The following MMAB variants were observed in gnomAD, a reference collection of about 807,000 sequenced individuals.
MMAB encodes corrinoid adenosyltransferase MMAB.
A neutral mutation model predicts 30.6 loss-of-function variants in MMAB; 17 were observed. The observed-to-expected ratio is 0.56, with a 90% CI of 0.38 to 0.83. The LOEUF (loss-of-function observed/expected upper bound fraction) is 0.83, where lower values mean the gene tolerates loss of function less well. Ranked by LOEUF, MMAB falls within the 40% of genes least tolerant of loss-of-function variation. The pLI is 0.00. For synonymous variants in MMAB, 134 were observed against 138.6 expected, an observed-to-expected ratio of 0.97 and a Z score of 0.23; for missense variants, 311 against 331.6, an observed-to-expected ratio of 0.94 and a Z score of 0.48.
chr12:109,566,731 G>A (rs1305200518), intron 3 of MMAB, among the ~76,000 whole-genome samples: 5 of 152,208 alleles, frequency 3.3e-5, no homozygotes, highest in African/African-American at 7.2e-5. Context: ...GTTGAGCAGC[G>A]CCTCGCACTG....
intron 4 of MMAB, among the ~76,000 whole-genome samples, chr12:109,562,891 T>G (rs1747453379): frequency 6.6e-6 from 1 of 152,134 alleles, no homozygotes; most frequent in South Asian, 2.1e-4. Context: ...GTCCAACAGC[T>G]CTCATGCATG....
In MMAB at chr12:109,557,001, T is replaced by A. The variant is rs1477808676; in HGVS notation, c.*27A>T. On this transcript the variant is annotated 3_prime_UTR_variant, in exon 9 of 9. Coordinates refer to ENST00000545712, the MANE Select transcript of MMAB (RefSeq NM_052845.4). ...CTCCACGGCCATCGCCATGGAGGGA[T>A]CCTCCAAGCTCCCACTTTCTGTGAT... 1 of 1,455,230 alleles carries A rather than the reference T, an allele frequency of 6.9e-7. No homozygotes were observed. The highest frequency in any genetic ancestry group is 9.7e-7 in the Non-Finnish European group (1 of 1,036,120). The allele number at this position is 1,455,230 out of a possible 1,614,324, so 90.1% of individuals were successfully genotyped here.
rs1216114720 is a variant in MMAB at position 109,555,894 on chromosome 12, C to A, written c.*1134G>T. 1.1e-5 allele frequency: 5 copies of A among 453,960 alleles called. No individual in the cohort carries two copies. Among genetic ancestry groups the A allele is most frequent in the Non-Finnish European group, 2.2e-5 (5 of 226,788 alleles). 28.1% of individuals were successfully genotyped at this position (453,960 alleles called of 1,614,324 possible). On this transcript the variant is annotated 3_prime_UTR_variant, in exon 9 of 9. Coordinates refer to ENST00000545712, the MANE Select transcript of MMAB (RefSeq NM_052845.4). Reference sequence around the variant, plus strand: ...AAGATGGCCGGAAAGACCAGCTGTCCCGAGCCTAGCGCGGTGGCCCATGCT... The same window carrying A: ...AAGATGGCCGGAAAGACCAGCTGTCACGAGCCTAGCGCGGTGGCCCATGCT...
rs879060655 is a variant in MMAB, at chr12:109,571,505, G to C, written c.196+144C>G. ...GGCCTCAGATGATTAGCCCAACAGG[G>C]CCTCCCAAAGTGCCGGGATTACAGG... On this transcript the variant is annotated intron_variant, in intron 2 of 8. Coordinates refer to ENST00000545712, the MANE Select transcript of MMAB (RefSeq NM_052845.4). 1.2e-5 allele frequency: 9 copies of C among 734,744 alleles called. No homozygotes were observed. In the South Asian group the frequency reaches 1.3e-4, roughly 11 times the overall value. 45.5% of individuals were successfully genotyped at this position (734,744 alleles called of 1,614,324 possible). A position where few individuals can be genotyped will look rare whatever the true frequency, so the allele number is the denominator to read the frequency against.
At chr12:109,571,959 TG>T (rs1884651319) in intron 1 of MMAB, among the ~76,000 whole-genome samples, 1 of 152,222 alleles carries the variant, frequency 6.6e-6, no homozygotes, top group Non-Finnish European at 1.5e-5. Flanking sequence ...TCAACAAAGA[TG>T]CTCAATAAAT....
chr12:109,573,182 G>T, intron 1 of MMAB, 165 bp downstream of exon 1: 1 of 837,804 alleles, frequency 1.2e-6, no homozygotes, highest in Non-Finnish European at 1.9e-6. Flanking sequence ...AGACTACCTG[G>T]TCTCTGGCGC....
intron 8 of MMAB, 122 bp from the exon 9 acceptor site, chr12:109,557,258 G>A (rs1592994690): frequency 2.6e-6 from 2 of 757,574 alleles, no homozygotes; most frequent in East Asian, 5.2e-5. Context: ...GGCACATTGT[G>A]CAGGGAGGGC....
At chr12:109,566,288 A>C (rs1884425323) in intron 3 of MMAB, among the ~76,000 whole-genome samples, 2 of 152,248 alleles carry the variant, frequency 1.3e-5, no homozygotes, top group Admixed American at 1.3e-4. Context: ...CCAGGTGATA[A>C]GGTCAGCCTC....
chr12:109,566,024 G>A (rs1183646838), intron 3 of MMAB, among the ~76,000 whole-genome samples: 1 of 152,232 alleles, frequency 6.6e-6, no homozygotes, highest in Non-Finnish European at 1.5e-5. Context: ...GAGTTTCAGG[G>A]AAATGCAGGA....
chr12:109,554,449 AG>A lies in MMAB; in HGVS notation c.*2578del. 2.2e-6 allele frequency: 1 copy of A among 454,110 alleles called. No individual in the cohort carries two copies. Among genetic ancestry groups the A allele is most frequent in the South Asian group, 1.6e-5 (1 of 64,480 alleles). 28.1% of individuals were successfully genotyped at this position (454,110 alleles called of 1,614,324 possible). ...AATGTAAGGAAGTGCCCACAAACTC[AG>A]GGATCGAGTAGTATTTGTGTGCAAT... is the stretch of plus-strand genomic sequence containing the variant. On this transcript the variant is annotated 3_prime_UTR_variant, in exon 9 of 9. Coordinates refer to ENST00000545712, the MANE Select transcript of MMAB (RefSeq NM_052845.4).
In MMAB at chr12:109,561,029, A is replaced by C; in HGVS notation, c.584+11T>G. The C allele has an allele frequency of 6.7e-7, 1 of 1,496,776 alleles. No individual in the cohort carries two copies. The highest frequency in any genetic ancestry group is 8.9e-7 in the Non-Finnish European group (1 of 1,124,332). 92.7% of individuals were successfully genotyped at this position (1,496,776 alleles called of 1,614,324 possible). ...TCCCTTGGGCCCTCTCCCTCTCTCC[A>C]GCCCTCTTACCGTCTCTCGGCCCGG... On this transcript the variant is annotated intron_variant, in intron 7 of 8. Coordinates refer to ENST00000545712, the MANE Select transcript of MMAB (RefSeq NM_052845.4). This position sits in a 1 kb window ranked among gnomAD's most constrained non-coding sequence, Gnocchi z 5.3.
chr12:109,561,377 A>G lies in MMAB; in HGVS notation c.519+43T>C. ...AGAGCCCATGTGTGTCTGTCACTGA[A>G]CCTGCCTGCAGCCGCCCCCGGTTAA... On this transcript the variant is annotated intron_variant, in intron 6 of 8. Coordinates refer to ENST00000545712, the MANE Select transcript of MMAB (RefSeq NM_052845.4). This position sits in a 1 kb window ranked among gnomAD's most constrained non-coding sequence, Gnocchi z 5.3. 1 of 1,545,858 alleles carries G rather than the reference A, an allele frequency of 6.5e-7. No individual in the cohort carries two copies. The highest frequency in any genetic ancestry group is 2.0e-5 in the Admixed American group (1 of 51,014).
At position 109,556,372 on chromosome 12, in the gene MMAB, G is replaced by T. The variant is rs11067232; in HGVS notation, c.*656C>A. The stretch of plus-strand genomic sequence containing the variant: ...ATCAGCATCTCCATCCCTTTCAGAG[G>T]GGGTCCTCTAAGCTGCACCCCCATC... On this transcript the variant is annotated 3_prime_UTR_variant, in exon 9 of 9. Coordinates refer to ENST00000545712, the MANE Select transcript of MMAB (RefSeq NM_052845.4). 0.073 allele frequency: 33,182 copies of T among 453,862 alleles called. 1,415 individuals carry two copies. Among genetic ancestry groups the T allele is most frequent in the Middle Eastern group, 0.12 (167 of 1,442 alleles). 28.1% of individuals were successfully genotyped at this position (453,862 alleles called of 1,614,324 possible). A position where few individuals can be genotyped will look rare whatever the true frequency, so the allele number is the denominator to read the frequency against.
At chr12:109,559,330 G>A (rs916476128) in intron 7 of MMAB, among the ~76,000 whole-genome samples, 175 bp from the exon 8 acceptor site, 4 of 152,198 alleles carry the variant, frequency 2.6e-5, no homozygotes, top group South Asian at 4.1e-4. Context: ...ACAGGCCATC[G>A]GCCCCCTTTC....
In MMAB at chr12:109,554,509, G is replaced by A. The variant is rs755676793; in HGVS notation, c.*2519C>T. On this transcript the variant is annotated 3_prime_UTR_variant, in exon 9 of 9. Coordinates refer to ENST00000545712, the MANE Select transcript of MMAB (RefSeq NM_052845.4). ...AAATCAAATTATGAAAAAAATCTACGATAAGCAAGGGATCACGACTTTAAA... is the reference window on the plus strand; with the variant it reads ...AAATCAAATTATGAAAAAAATCTACAATAAGCAAGGGATCACGACTTTAAA... 5.3e-5 allele frequency: 24 copies of A among 453,946 alleles called. No homozygotes were observed. Among genetic ancestry groups the A allele is most frequent in the South Asian group, 2.3e-4 (15 of 64,478 alleles). The allele number at this position is 453,946 out of a possible 1,614,324, so 28.1% of individuals were successfully genotyped here.
chr12:109,556,945 G>T lies in MMAB; in HGVS notation c.*83C>A. On this transcript the variant is annotated 3_prime_UTR_variant, in exon 9 of 9. Transcript: ENST00000545712. Reference sequence around the variant, plus strand: ...GAGCCTCTCTGGGTGAGCTCTTCAGGAACCAGGACCCCAGAAGGGCAAGCT... The same window carrying T: ...GAGCCTCTCTGGGTGAGCTCTTCAGTAACCAGGACCCCAGAAGGGCAAGCT... 1 of 930,722 alleles carries T rather than the reference G, an allele frequency of 1.1e-6. No individual in the cohort carries two copies. The highest frequency in any genetic ancestry group is 1.8e-6 in the Non-Finnish European group (1 of 570,138). The allele number at this position is 930,722 out of a possible 1,614,324, so 57.7% of individuals were successfully genotyped here.
chr12:109,573,237 A>G, intron 1 of MMAB, 110 bp downstream of exon 1: 1 of 1,437,408 alleles, frequency 7.0e-7, no homozygotes, highest in Non-Finnish European at 9.7e-7. Flanking sequence ...CAGCGTGGAG[A>G]CGTCACCTGA....
At position 109,566,929 on chromosome 12, in the gene MMAB, C is replaced by G. The variant is rs114962608; in HGVS notation, c.291-1753G>C. On this transcript the variant is annotated intron_variant, in intron 3 of 8. Transcript: ENST00000545712. ...CTGCCCTCTTCTGGACCCCCTCCCA[C>G]ACACACCAAGGGGTTTGTTTGCCTT... is the stretch of plus-strand genomic sequence containing the variant. 9.0e-3 allele frequency: 4,097 copies of G among 455,184 alleles called. 141 individuals carry two copies. Among genetic ancestry groups the G allele is most frequent in the African/African-American group, 0.073 (3,682 of 50,144 alleles). The allele number at this position is 455,184 out of a possible 1,614,324, so 28.2% of individuals were successfully genotyped here.
chr12:109,573,430 G>A lies in MMAB; in HGVS notation c.51C>T (p.Gly17=), dbSNP rs1467369691. Residue 17 remains glycine, a synonymous_variant, in exon 1 of 9, where the codon GGC becomes GGT. Coordinates refer to ENST00000545712, the MANE Select transcript of MMAB (RefSeq NM_052845.4). ...GSRLGLGSRL[G]LRGCFGAARL... The stretch of plus-strand genomic sequence containing the variant: ...TGGCGGCGCCGAAGCACCCGCGCAG[G>A]CCAAGACGGCTCCCCAGGCCAAGAC... 1.9e-6 allele frequency: 3 copies of A among 1,605,540 alleles called. No homozygotes were observed.
Sources: allele counts gnomAD v4.1 joint callset (sites outside exome capture counted in the v4.1 genomes callset), GRCh38; gene constraint gnomAD v4.1.1; non-coding constraint Gnocchi (gnomAD v3.1); transcripts MANE v1.5; gene names NCBI Gene and HGNC (gene_info 2026-07-23, HGNC 2026-07-21).